The following RANBP2 variants were observed in gnomAD, a reference collection of about 807,000 sequenced individuals.
RANBP2 encodes RAN binding protein 2, also known as E3 SUMO-protein ligase RanBP2.
Under a neutral mutation model 303.6 loss-of-function variants are expected in RANBP2, and 57 were observed. The observed-to-expected ratio is 0.19, with a 90% confidence interval of 0.15 to 0.23. RANBP2 has a LOEUF of 0.23. RANBP2 is among the 10% of genes least tolerant of loss of function. The pLI is 1.00. For synonymous variants in RANBP2, 1,167 were observed against 1,301.5 expected (o/e 0.90, Z 2.23); for missense variants, 3,138 against 3,780.8 (o/e 0.83, Z 4.46).
At chr2:108,964,598 C>A in the RANBP2 span, among the ~76,000 whole-genome samples, 12 of 152,220 alleles carry the variant, frequency 7.9e-5, no homozygotes, top group Admixed American at 6.5e-5. Flanking sequence ...CAACAAAGGG[C>A]AGCTGTTTAA....
chr2:108,831,805 C>T, the RANBP2 span, among the ~76,000 whole-genome samples: 3 of 151,216 alleles, frequency 2.0e-5, no homozygotes, highest in South Asian at 2.1e-4. Flanking sequence ...TGATCTCGGC[C>T]CACTGCAACT....
the RANBP2 span, chr2:109,546,273 G>A: frequency 1.4e-6 from 2 of 1,425,826 alleles, no homozygotes; most frequent in African/African-American, 2.9e-5. Context: ...TACTGACACA[G>A]CGCGGCAGCA....
At chr2:109,708,391 CTCACACATGT>C in the RANBP2 span, among the ~76,000 whole-genome samples, 1 of 151,778 alleles carries the variant, frequency 6.6e-6, no homozygotes, top group Non-Finnish European at 1.5e-5. Context: ...AGTGTGGTGG[CTCACACATGT>C]AATCCCAGCA....
At chr2:109,589,105 T>TG in the RANBP2 span, among the ~76,000 whole-genome samples, 4 of 150,342 alleles carry the variant, frequency 2.7e-5, no homozygotes, top group Non-Finnish European at 4.4e-5. Flanking sequence ...TTTTGTGGTT[T>TG]TTTTGTTTGT....
the RANBP2 span, among the ~76,000 whole-genome samples, chr2:108,793,992 A>G: frequency 1.3e-5 from 2 of 152,172 alleles, no homozygotes; most frequent in African/African-American, 2.4e-5. Flanking sequence ...TTCCACCTAT[A>G]GGAGGATGCT....
the RANBP2 span, among the ~76,000 whole-genome samples, chr2:109,035,517 CT>C: frequency 6.6e-6 from 1 of 151,112 alleles, no homozygotes; most frequent in Non-Finnish European, 1.5e-5. Flanking sequence ...GGATGAGGCA[CT>C]GCAGAAGCCT....
chr2:109,487,475 G>A, the RANBP2 span, among the ~76,000 whole-genome samples: 7 of 152,222 alleles, frequency 4.6e-5, no homozygotes, highest in Admixed American at 1.3e-4. Context: ...CCTGGAAGGC[G>A]GACGTTTTGG....
chr2:109,620,591 A>G, the RANBP2 span, among the ~76,000 whole-genome samples: 1 of 152,170 alleles, frequency 6.6e-6, no homozygotes, highest in Non-Finnish European at 1.5e-5. Context: ...AATCCCAGCT[A>G]CTTGGGAGGC....
Position 108,728,827 on chromosome 2 carries a change from C to G in RANBP2, c.73-305C>G, listed in dbSNP as rs142732264. ...GCCTGGCTAATTTTTGTATTTTTGT[C>G]AAGACGGGGTTTCACCATGTTAGCC... On this transcript the variant is annotated intron_variant, in intron 1 of 28. Transcript: ENST00000283195. Among the ~76,000 whole-genome samples the G allele has an allele frequency of 1.8e-3, 272 of 152,100 alleles. 2 individuals are homozygous for G. The highest frequency in any genetic ancestry group is 6.3e-3 in the African/African-American group (263 of 41,486).
the RANBP2 span, among the ~76,000 whole-genome samples, chr2:109,127,094 T>G: frequency 6.6e-6 from 1 of 152,242 alleles, no homozygotes; most frequent in African/African-American, 2.4e-5. Flanking sequence ...GCTTTCCATC[T>G]CACCCTGTTG....
At chr2:109,494,915 A>C in the RANBP2 span, among the ~76,000 whole-genome samples, 2 of 152,116 alleles carry the variant, frequency 1.3e-5, no homozygotes, top group Non-Finnish European at 2.9e-5. Flanking sequence ...GGTGCTGCAG[A>C]GGGAGCTCCT....
At chr2:109,230,348 G>C in the RANBP2 span, among the ~76,000 whole-genome samples, 2 of 152,046 alleles carry the variant, frequency 1.3e-5, no homozygotes, top group African/African-American at 4.8e-5. Flanking sequence ...AGGCCAAGGT[G>C]GGGGGCTCTC....
At chr2:109,174,835 G>A in the RANBP2 span, among the ~76,000 whole-genome samples, 155 of 152,320 alleles carry the variant, frequency 1.0e-3, no homozygotes, top group Non-Finnish European at 1.6e-3. Context: ...TTCAGGGATA[G>A]GATAGCAGGA....
the RANBP2 span, chr2:108,930,000 C>G: frequency 1.6e-6 from 2 of 1,263,738 alleles, no homozygotes; most frequent in African/African-American, 1.5e-5. Flanking sequence ...GGAGCGTGAC[C>G]GGCTGGTTTG....
At chr2:109,689,063 C>T in the RANBP2 span, among the ~76,000 whole-genome samples, 40 of 151,998 alleles carry the variant, frequency 2.6e-4, no homozygotes, top group African/African-American at 2.9e-4. Context: ...CCCAAGACCA[C>T]GCCCAGCTAA....
At chr2:109,446,034 A>T in the RANBP2 span, among the ~76,000 whole-genome samples, 1 of 152,170 alleles carries the variant, frequency 6.6e-6, no homozygotes, top group Admixed American at 6.5e-5. Flanking sequence ...AGCAGCCTTC[A>T]TCTGTCAGCT....
chr2:108,741,495 CTTTTTTTTTTTTTT>C lies in RANBP2; in HGVS notation c.975+829_975+842del, dbSNP rs34872068. ...ACAGGCGCAAGCCACTGCGCCTGGC[CTTTTTTTTTTTTTT>C]TTTTTTTTTTTTTTGAGATGGAATC... is the stretch of plus-strand genomic sequence containing the variant. On this transcript the variant is annotated intron_variant, in intron 7 of 28. Coordinates refer to ENST00000283195, the MANE Select transcript of RANBP2 (RefSeq NM_006267.5). Among the ~76,000 whole-genome samples the C allele has an allele frequency of 8.4e-3, 517 of 61,832 alleles. 5 individuals are homozygous for C. The highest frequency in any genetic ancestry group is 0.033 in the African/African-American group (492 of 14,766). The allele number at this position is 61,832 out of a possible 152,430, so 40.6% of individuals were successfully genotyped here.
At chr2:109,128,814 G>C in the RANBP2 span, 1 of 205,580 alleles carries the variant, frequency 4.9e-6, no homozygotes, top group African/African-American at 2.4e-5. Flanking sequence ...TCGGACGCTT[G>C]GAGGAGGCAG....
the RANBP2 span, among the ~76,000 whole-genome samples, chr2:109,164,980 C>T: frequency 2.0e-5 from 3 of 152,182 alleles, no homozygotes; most frequent in Admixed American, 2.0e-4. Flanking sequence ...TTTAAAGCCT[C>T]TTCTTAGTCA....
Sources: gnomAD v4.1 joint callset for allele counts (sites outside exome capture counted in the v4.1 genomes callset) on GRCh38, gnomAD v4.1.1 for gene constraint, MANE v1.5 for transcripts, NCBI Gene and HGNC (gene_info 2026-07-23, HGNC 2026-07-21) for gene names.